Variants in KIF7 observed in about 807,000 individuals in gnomAD.
KIF7 encodes kinesin family member 7.
Under a neutral mutation model 135.7 loss-of-function variants are expected in KIF7, and 104 were observed. That is an observed-to-expected ratio of 0.77 (90% CI 0.65 to 0.90). The LOEUF (loss-of-function observed/expected upper bound fraction) is 0.90. KIF7 is among the 40% of genes least tolerant of loss of function. The pLI is 0.00. For missense variants in KIF7, 2,005 were observed against 1,839.1 expected (o/e 1.09, Z -1.65); for synonymous variants, 883 against 809.4 (o/e 1.09, Z -1.54).
chr15:89,626,905 A>C, downstream of KIF7: 1 of 1,581,760 alleles, frequency 6.3e-7, no homozygotes. Context: ...AATTTTTTTC[A>C]GTTCGGTCCT....
rs150248985 is a variant in KIF7 at position 89,628,507 on chromosome 15, G to A, written c.3944C>T (p.Pro1315Leu). 2,206 of 1,613,006 alleles carry A rather than the reference G, an allele frequency of 1.4e-3. 5 individuals are homozygous for A. The highest frequency in any genetic ancestry group is 0.014 in the Middle Eastern group (82 of 6,062). The change falls in exon 19 of 19, where the codon CCC becomes CTC. Residue 1315 changes from proline (P) to leucine (L), a missense_variant. Coordinates refer to ENST00000394412, the MANE Select transcript of KIF7 (RefSeq NM_198525.3). ...CTTGGACAAAGGCCCAAAGTTCCAG[G>A]GCAGGCCTGCCTCACCCACAGGAAG... ...RVLPVGEAGLPWNFGPLSKPR... is the reference protein window; with the variant it reads ...RVLPVGEAGLLWNFGPLSKPR...
intron 1 of KIF7, among the ~76,000 whole-genome samples, chr15:89,620,208 T>C (rs1963401995): frequency 1.3e-5 from 2 of 152,196 alleles, no homozygotes; most frequent in Admixed American, 6.5e-5. Context: ...GATTTGTGTT[T>C]CTTATTTTAT....
At chr15:89,627,396 A>T, downstream of KIF7, 1 of 343,422 alleles carries the variant, frequency 2.9e-6, no homozygotes, top group Non-Finnish European at 5.3e-6. Context: ...TTGGCAAGTC[A>T]GGGGGCCACT....
At chr15:89,638,491 T>G (rs1475349193) in intron 11 of KIF7, among the ~76,000 whole-genome samples, 2 of 151,680 alleles carry the variant, frequency 1.3e-5, no homozygotes, top group African/African-American at 2.4e-5. Flanking sequence ...ACAAGCATTC[T>G]TATACACCAA....
Position 89,618,181 on chromosome 15 carries a change from T to G in KIF7, c.196A>C (p.Thr66Pro), listed in dbSNP as rs1212730886. The G allele has an allele frequency of 1.4e-5, 23 of 1,614,082 alleles. 1 individual carries two copies. The highest frequency in any genetic ancestry group is 2.7e-5 in the African/African-American group (2 of 74,936). The change falls in exon 2 of 3, where the codon ACA becomes CCA. Residue 66 changes from threonine to proline, a missense_variant and NMD_transcript_variant. Transcript: ENST00000558928. ...TCTGATCCTGGTCCTGATATTGGTGTTGTTGAAGAGTCCCCTGAAAAAGGA... is the reference window on the plus strand; with the variant it reads ...TCTGATCCTGGTCCTGATATTGGTGGTGTTGAAGAGTCCCCTGAAAAAGGA...
In KIF7 at chr15:89,630,275, C is replaced by T. The variant is rs1038802503; in HGVS notation, c.3318+12G>A. 3 of 1,613,512 alleles carry T rather than the reference C, an allele frequency of 1.9e-6. No homozygotes were observed. Among genetic ancestry groups the T allele is most frequent in the Non-Finnish European group, 2.5e-6 (3 of 1,179,768 alleles). ...TGAGGAGGAGCTGGGGGGCCATGGG[C>T]TGCTGGCCCACCTTGTCAAAATACT... is the stretch of plus-strand genomic sequence containing the variant. On this transcript the variant is annotated intron_variant, in intron 16 of 18. Transcript: ENST00000394412.
chr15:89,630,186 G>T, intron 16 of KIF7, 101 bp downstream of exon 16: 3 of 1,104,688 alleles, frequency 2.7e-6, no homozygotes, highest in Non-Finnish European at 4.0e-6. Context: ...CTGTCCCCCA[G>T]TCTGGGAGGA....
chr15:89,629,387 G>A lies in KIF7; in HGVS notation c.3505C>T (p.Gln1169Ter), dbSNP rs1963620354. The stretch of plus-strand genomic sequence containing the variant: ...CCGGGCTGCTCACCTCGACTCTGCT[G>A]CAGGAGCAGCTGCATGTTCTGCTCG... ...EHEQNMQLLLQQSRDHLGEGL... is the reference protein window; with the variant it reads ...EHEQNMQLLL Residue 1169 changes from glutamine (Q) to a stop codon, truncating the protein, a stop_gained, in exon 17 of 19, where the codon CAG becomes TAG. Coordinates refer to ENST00000394412, the MANE Select transcript of KIF7 (RefSeq NM_198525.3). LOFTEE classifies it high-confidence loss of function. 1.3e-6 allele frequency: 2 copies of A among 1,598,024 alleles called. No individual in the cohort carries two copies. Among genetic ancestry groups the A allele is most frequent in the Non-Finnish European group, 1.7e-6 (2 of 1,176,570 alleles).
intron 3 of KIF7, 147 bp downstream of exon 3, chr15:89,649,594 G>A (rs1964090249): frequency 1.0e-6 from 1 of 981,522 alleles, no homozygotes; most frequent in Non-Finnish European, 1.5e-6. Context: ...ACTGAACTCA[G>A]TGGAGGCAAG....
Position 89,628,452 on chromosome 15 carries a change from CGGGCTGGCTCGTCGCAGTTCCCGCCG to C in KIF7, c.3973_3998del (p.Arg1325GlyfsTer4). 6.2e-7 allele frequency: 1 copy of C among 1,609,552 alleles called. No individual in the cohort carries two copies. Among genetic ancestry groups the C allele is most frequent in the African/African-American group, 1.3e-5 (1 of 74,958 alleles). Reference sequence around the variant, plus strand: ...GGTTTTTCCGGACATCAATCATCCCCGGGCTGGCTCGTCGCAGTTCCCGCCGGGGCTTGGACAAAGGCCCAAAGTTC... The same window carrying C: ...GGTTTTTCCGGACATCAATCATCCCCGGGCTTGGACAAAGGCCCAAAGTTC... On this transcript the variant is annotated frameshift_variant, in exon 19 of 19. Coordinates refer to ENST00000394412, the MANE Select transcript of KIF7 (RefSeq NM_198525.3). LOFTEE classifies it high-confidence loss of function.
intron 2 of KIF7, among the ~76,000 whole-genome samples, chr15:89,651,407 T>G (rs961513762): frequency 2.0e-5 from 3 of 152,144 alleles, no homozygotes; most frequent in Non-Finnish European, 4.4e-5. Flanking sequence ...TCAGTTTTTG[T>G]ATTTTTAGTA....
chr15:89,658,500 TAA>T (rs529355136), upstream of KIF7, among the ~76,000 whole-genome samples: 17 of 152,004 alleles, frequency 1.1e-4, no homozygotes, highest in East Asian at 2.7e-3. Context: ...AGGAAATGTA[TAA>T]GACAGTTATC....
In KIF7 at chr15:89,630,512, G is replaced by C; in HGVS notation, c.3112-19C>G. ...GCTCCTCCTGCAGAGACGGGCACGCGTGGAGGAACAGCACCCACTGCCTGA... is the reference window on the plus strand; with the variant it reads ...GCTCCTCCTGCAGAGACGGGCACGCCTGGAGGAACAGCACCCACTGCCTGA... On this transcript the variant is annotated intron_variant, in intron 15 of 18. Transcript: ENST00000394412. 6.5e-7 allele frequency: 1 copy of C among 1,536,932 alleles called. No homozygotes were observed. Among genetic ancestry groups the C allele is most frequent in the Non-Finnish European group, 8.8e-7 (1 of 1,137,694 alleles).
At chr15:89,660,351 A>G (rs1372069004), upstream of KIF7, among the ~76,000 whole-genome samples, 2 of 152,204 alleles carry the variant, frequency 1.3e-5, no homozygotes, top group Non-Finnish European at 2.9e-5. Context: ...GATGAAAACT[A>G]TATTTCCCAT....
upstream of KIF7, among the ~76,000 whole-genome samples, chr15:89,657,310 C>CAAAAA (rs369464990): frequency 4.0e-3 from 394 of 98,634 alleles, 9 homozygotes; most frequent in African/African-American, 0.015. Context: ...GACCCTGTCT[C>CAAAAA]AAAAAAAAAA....
At position 89,629,942 on chromosome 15, in the gene KIF7, ACAT is replaced by A. The variant is rs1310179212; in HGVS notation, c.3318+342_3318+344del. The A allele has an allele frequency of 9.8e-6, 5 of 510,920 alleles. No individual in the cohort carries two copies. In the East Asian group the frequency reaches 1.8e-4, roughly 18 times the overall value. The allele number at this position is 510,920 out of a possible 1,614,324, so 31.6% of individuals were successfully genotyped here. On this transcript the variant is annotated intron_variant, in intron 16 of 18. Coordinates refer to ENST00000394412, the MANE Select transcript of KIF7 (RefSeq NM_198525.3). Reference sequence around the variant, plus strand: ...CCTGTGTGTTATAGGATGTTTAGTAACATCCCTGGCCTCCACCCCCACCACTGT... The same window carrying A: ...CCTGTGTGTTATAGGATGTTTAGTAACCCTGGCCTCCACCCCCACCACTGT...
chr15:89,630,348 G>T lies in KIF7; in HGVS notation c.3257C>A (p.Ala1086Asp), dbSNP rs758215908. ...LLSQCEMNLMAKLSYLSSSET... is the reference protein window; with the variant it reads ...LLSQCEMNLMDKLSYLSSSET... The stretch of plus-strand genomic sequence containing the variant: ...TGAGGATGAGAGGTAGCTGAGCTTG[G>T]CCATGAGGTTCATCTCGCACTGGGA... The change falls in exon 16 of 19, where the codon GCC becomes GAC. Residue 1086 changes from alanine to aspartate, a missense_variant. Physicochemically the swap from Ala to Asp is moderately radical, Grantham distance 126. Coordinates refer to ENST00000394412, the MANE Select transcript of KIF7 (RefSeq NM_198525.3). The T allele has an allele frequency of 3.1e-6, 5 of 1,614,062 alleles. No homozygotes were observed. The Admixed American group carries it at 6.7e-5, about 22-fold the overall frequency.
Position 89,646,817 on chromosome 15 carries a change from A to G in KIF7, c.1788+13T>C, listed in dbSNP as rs1110060. The G allele has an allele frequency of 0.6, 968,557 of 1,612,020 alleles. 294,590 individuals carry two copies. Among genetic ancestry groups the G allele is most frequent in the Non-Finnish European group, 0.63 (736,962 of 1,178,992 alleles). ...GCAGGGCCCACAGACACCCAGCCTC[A>G]CCCTCTTCTCACCTCTCCCCTCTGC... is the stretch of plus-strand genomic sequence containing the variant. On this transcript the variant is annotated intron_variant, in intron 7 of 18. Coordinates refer to ENST00000394412, the MANE Select transcript of KIF7 (RefSeq NM_198525.3).
Position 89,646,911 on chromosome 15 carries a change from C to A in KIF7, c.1707G>T (p.Gly569=), listed in dbSNP as rs373186834. ...FVPRPHTAPL[G]GAHAHVLGMV... ...TGCCCAGCACATGGGCGTGGGCACC[C>A]CCCAGGGGGGCTGTATGAGGTCGAG... The change falls in exon 7 of 19, where the codon GGG becomes GGT. Residue 569 remains glycine (G), a synonymous_variant. Coordinates refer to ENST00000394412, the MANE Select transcript of KIF7 (RefSeq NM_198525.3). 14 of 1,613,988 alleles carry A rather than the reference C, an allele frequency of 8.7e-6. No individual in the cohort carries two copies. The African/African-American group carries it at 1.7e-4, about 20-fold the overall frequency.
Sources: allele counts gnomAD v4.1 joint callset (sites outside exome capture counted in the v4.1 genomes callset), GRCh38; gene constraint gnomAD v4.1.1; transcripts MANE v1.5; gene names NCBI Gene and HGNC (gene_info 2026-07-23, HGNC 2026-07-21).